Variants in SART3 observed in about 807,000 individuals in gnomAD.
SART3 encodes spliceosome associated factor 3, U4/U6 recycling protein.
In SART3, 44 loss-of-function variants were observed where a neutral mutation model predicts 122.3. The ratio of observed to expected loss-of-function variants is 0.36; its 90% CI spans 0.28 to 0.46. The LOEUF is 0.46. Ranked by LOEUF, SART3 falls within the 20% of genes least tolerant of loss-of-function variation. The probability of loss-of-function intolerance (pLI) is 1.00; values close to 1 mark genes in which losing one functional copy is unlikely to be tolerated. For missense variants in SART3, 1,101 were observed against 1,229.0 expected (o/e 0.90, Z 1.56); for synonymous variants, 442 against 454.0 (o/e 0.97, Z 0.34).
chr12:108,538,114 C>A lies in SART3; in HGVS notation c.1152G>T (p.Arg384=), dbSNP rs762567707. Residue 384 remains arginine (R), a synonymous_variant, in exon 8 of 19, where the codon CGG becomes CGT. Transcript: ENST00000546815. ...CATGTCTCTCCATGGCCAAGAGGTA[C>A]CGACTCCATAAGGCAACTGTCCAGG... The part of the protein sequence containing the change: ...NCPWTVALWS[R]YLLAMERHGV... 7.9e-5 allele frequency: 128 copies of A among 1,614,074 alleles called. 1 individual carries two copies. In the Admixed American group the frequency reaches 2.1e-3, roughly 26 times the overall value.
intron 18 of SART3, 101 bp from the exon 19 acceptor site, chr12:108,523,735 T>G: frequency 1.0e-6 from 1 of 974,632 alleles, no homozygotes; most frequent in Admixed American, 2.5e-5. Flanking sequence ...AACCAGAAGT[T>G]AAAAGGTGAA....
intron 15 of SART3, among the ~76,000 whole-genome samples, chr12:108,528,138 C>T (rs1872478057): frequency 1.3e-5 from 2 of 152,140 alleles, no homozygotes; most frequent in Admixed American, 6.5e-5. Flanking sequence ...CCTGAAATTA[C>T]AAGGGTGAAA....
At position 108,541,998 on chromosome 12, in the gene SART3, CTTTTTT is replaced by C. The variant is rs55746158; in HGVS notation, c.906+1024_906+1029del. On this transcript the variant is annotated intron_variant, in intron 6 of 18. Coordinates refer to ENST00000546815, the MANE Select transcript of SART3 (RefSeq NM_014706.4). Reference sequence around the variant, plus strand: ...TACAGACACATGCCACCAAGCCCGGCTTTTTTTTTTTTTTTTTTTTTTTTTTTTTGG... The same window carrying C: ...TACAGACACATGCCACCAAGCCCGGCTTTTTTTTTTTTTTTTTTTTTTTGG... 2.7e-3 allele frequency among the ~76,000 whole-genome samples: 186 copies of C among 68,076 alleles called. 8 individuals carry two copies. Among genetic ancestry groups the C allele is most frequent in the East Asian group, 5.3e-3 (11 of 2,082 alleles). The allele number at this position is 68,076 out of a possible 152,430, so 44.7% of individuals were successfully genotyped here.
chr12:108,539,227 G>A (rs1873050249), intron 6 of SART3, 138 bp from the exon 7 acceptor site: 3 of 826,806 alleles, frequency 3.6e-6, no homozygotes, highest in Non-Finnish European at 6.0e-6. Flanking sequence ...ACTCCACTAT[G>A]GCCTCTACAA....
At chr12:108,539,675 A>G (rs1873072928) in intron 6 of SART3, among the ~76,000 whole-genome samples, 1 of 152,224 alleles carries the variant, frequency 6.6e-6, no homozygotes. Context: ...GCCATGACAT[A>G]ATTGAATGAT....
intron 6 of SART3, among the ~76,000 whole-genome samples, chr12:108,539,735 G>GA (rs1873076073): frequency 6.6e-6 from 1 of 152,202 alleles, no homozygotes; most frequent in Non-Finnish European, 1.5e-5. Flanking sequence ...ACATGAAAAA[G>GA]AAAGGATGAA....
chr12:108,549,580 C>T (rs1051748901), intron 1 of SART3, among the ~76,000 whole-genome samples: 4 of 152,150 alleles, frequency 2.6e-5, no homozygotes, highest in African/African-American at 7.2e-5. Flanking sequence ...TAGTTTCTAG[C>T]TCATACCAGG....
rs2029887476 is a variant in SART3, at chr12:108,549,069, C to T, written c.439+19G>A. Reference sequence around the variant, plus strand: ...GCCTTGTTTCTGTTTCTAAAAGCAGCCTGACTGCTGAAGCTTACCTTCAGT... The same window carrying T: ...GCCTTGTTTCTGTTTCTAAAAGCAGTCTGACTGCTGAAGCTTACCTTCAGT... On this transcript the variant is annotated intron_variant, in intron 2 of 18. Transcript: ENST00000546815. 6.2e-7 allele frequency: 1 copy of T among 1,613,942 alleles called. No individual in the cohort carries two copies. The highest frequency in any genetic ancestry group is 2.2e-5 in the East Asian group (1 of 44,884).
intron 13 of SART3, 37 bp downstream of exon 13, chr12:108,532,185 G>A: frequency 6.3e-7 from 1 of 1,577,846 alleles, no homozygotes; most frequent in Non-Finnish European, 8.7e-7. Flanking sequence ...CAGCAAATGG[G>A]TTAGGCTCCA....
chr12:108,549,454 G>A (rs2029899317), intron 1 of SART3: 2 of 477,014 alleles, frequency 4.2e-6, no homozygotes, highest in Non-Finnish European at 3.8e-6. Context: ...AAGACATTTG[G>A]GTTCTCTTGG....
At chr12:108,555,500 A>G (rs1356740765) in intron 1 of SART3, among the ~76,000 whole-genome samples, 6 of 152,194 alleles carry the variant, frequency 3.9e-5, no homozygotes, top group African/African-American at 1.2e-4. Context: ...CCCCGTCTCT[A>G]CAAAAACTGT....
At chr12:108,537,463 A>G in intron 9 of SART3, 25 bp downstream of exon 9, 1 of 1,560,088 alleles carries the variant, frequency 6.4e-7, no homozygotes. Context: ...TTCAGCTCTA[A>G]AGTGAAAAAC....
chr12:108,544,700 G>C (rs972144723), intron 4 of SART3: 2 of 660,252 alleles, frequency 3.0e-6, no homozygotes, highest in African/African-American at 3.6e-5. Context: ...TGAGTAGCTA[G>C]GACCACAGGC....
intron 16 of SART3, chr12:108,525,841 C>G: frequency 1.6e-6 from 1 of 623,954 alleles, no homozygotes; most frequent in Non-Finnish European, 2.8e-6. Context: ...CACAGAGTCT[C>G]ATGAGGAGTC....
chr12:108,555,273 T>C (rs992601477), intron 1 of SART3, among the ~76,000 whole-genome samples: 16 of 152,204 alleles, frequency 1.1e-4, no homozygotes, highest in Admixed American at 3.3e-4. Context: ...TTAAATAGGA[T>C]AGCATAAACA....
At chr12:108,540,238 C>T (rs1387788151) in intron 6 of SART3, among the ~76,000 whole-genome samples, 2 of 152,196 alleles carry the variant, frequency 1.3e-5, no homozygotes, top group African/African-American at 4.8e-5. Flanking sequence ...CAACAACAGA[C>T]ATCAGAAGAC....
rs1360483020 is a variant in SART3 at position 108,535,446 on chromosome 12, T to G, written c.1469A>C (p.Gln490Pro). 3 of 1,614,156 alleles carry G rather than the reference T, an allele frequency of 1.9e-6. No individual in the cohort carries two copies. Among genetic ancestry groups the G allele is most frequent in the Admixed American group, 3.3e-5 (2 of 60,012 alleles). Residue 490 changes from glutamine (Q) to proline (P), a missense_variant, in exon 12 of 19, where the codon CAG (glutamine) becomes CCG (proline). Gln to Pro is a moderately conservative substitution (Grantham distance 76, BLOSUM62 -1). Coordinates refer to ENST00000546815, the MANE Select transcript of SART3 (RefSeq NM_014706.4). ...GCTATCCCAGAGTTCCCGAGCTTTC[T>G]GCATGTTATTGCACAGTCGAGCCTA... The part of the protein sequence containing the change: ...RIEARLCNNM[Q>P]KARELWDSIM...
rs565732813 is a variant in SART3 at position 108,537,756 on chromosome 12, C to A, written c.1202-161G>T. On this transcript the variant is annotated intron_variant, in intron 8 of 18. Coordinates refer to ENST00000546815, the MANE Select transcript of SART3 (RefSeq NM_014706.4). ...GGAATGTTGAAGACAGAAGTTGCTACAGCACTCTACAGACTGTGTTCTAGA... is the reference window on the plus strand; with the variant it reads ...GGAATGTTGAAGACAGAAGTTGCTAAAGCACTCTACAGACTGTGTTCTAGA... 8 of 703,618 alleles carry A rather than the reference C, an allele frequency of 1.1e-5. No individual in the cohort carries two copies. The Admixed American group carries it at 1.8e-4, about 16-fold the overall frequency. The allele number at this position is 703,618 out of a possible 1,614,324, so 43.6% of individuals were successfully genotyped here.
chr12:108,538,827 G>A (rs569593361), intron 7 of SART3, 107 bp downstream of exon 7: 15 of 1,371,882 alleles, frequency 1.1e-5, no homozygotes, highest in African/African-American at 1.4e-5. Context: ...AGCAGATGGA[G>A]GAAAAGCAAG....
Sources: allele counts gnomAD v4.1 joint callset (sites outside exome capture counted in the v4.1 genomes callset), GRCh38; gene constraint gnomAD v4.1.1; transcripts MANE v1.5; gene names NCBI Gene and HGNC (gene_info 2026-07-23, HGNC 2026-07-21).